Variants in SPG11 observed in about 807,000 individuals in gnomAD.
SPG11 encodes SPG11 vesicle trafficking associated, spatacsin, also known as spatacsin.
SPG11 carries 222 observed loss-of-function variants against 274.0 expected under a neutral mutation model. That is an observed-to-expected ratio of 0.81 (90% confidence interval 0.73 to 0.91). The LOEUF is 0.91. Ranked by LOEUF, SPG11 falls within the 40% of genes least tolerant of loss-of-function variation. The probability of loss-of-function intolerance (pLI) is 0.00; values close to 1 mark genes in which losing one functional copy is unlikely to be tolerated. For missense variants in SPG11, 3,114 were observed against 2,872.7 expected, an observed-to-expected ratio of 1.08 and a Z score of -1.92; for synonymous variants, 1,144 against 1,039.7, an observed-to-expected ratio of 1.10 and a Z score of -1.93.
At chr15:44,658,416 G>A (rs1287841238) in intron 3 of SPG11, among the ~76,000 whole-genome samples, 3 of 151,216 alleles carry the variant, frequency 2.0e-5, no homozygotes, top group African/African-American at 4.9e-5. Flanking sequence ...AGAGACAAGA[G>A]GTAGACTATA....
chr15:44,599,739 G>A (rs2083136319), intron 21 of SPG11, among the ~76,000 whole-genome samples: 2 of 152,230 alleles, frequency 1.3e-5, no homozygotes, highest in South Asian at 4.1e-4. Context: ...AACCAATAAA[G>A]TAAATCTATA....
chr15:44,565,877 G>C lies in SPG11; in HGVS notation c.6976C>G (p.Leu2326Val), dbSNP rs1437826237. Residue 2326 changes from leucine (L) to valine (V), a missense_variant, in exon 38 of 40, where the codon CTG becomes GTG. Leu to Val is a conservative substitution (Grantham distance 32). Coordinates refer to ENST00000261866, the MANE Select transcript of SPG11 (RefSeq NM_025137.4). ...LGRHKLMDCI[L>V]ALPRFYQASI... ...ACCTGGTAGAACCGAGGTAGGGCCA[G>C]AATACAGTCCATCAGCTTGTGGCGG... 1 of 1,614,112 alleles carries C rather than the reference G, an allele frequency of 6.2e-7. No homozygotes were observed. Among genetic ancestry groups the C allele is most frequent in the Non-Finnish European group, 8.5e-7 (1 of 1,180,018 alleles).
chr15:44,654,022 C>T (rs1029671318), intron 4 of SPG11, among the ~76,000 whole-genome samples: 25 of 152,092 alleles, frequency 1.6e-4, no homozygotes, highest in African/African-American at 5.8e-4. Flanking sequence ...GGTGCAATGA[C>T]AGCTCACTGT....
At chr15:44,609,885 T>C (rs1282204199) in intron 18 of SPG11, among the ~76,000 whole-genome samples, 2 of 147,516 alleles carry the variant, frequency 1.4e-5, no homozygotes, top group African/African-American at 5.0e-5. Context: ...CACGCCACCA[T>C]GCCCAGCTAA....
chr15:44,579,762 C>A (rs1266448126), intron 30 of SPG11, among the ~76,000 whole-genome samples: 14 of 152,028 alleles, frequency 9.2e-5, no homozygotes, highest in Admixed American at 9.2e-4. Context: ...AATTTTAGAA[C>A]TGAAAAATGC....
intron 7 of SPG11, among the ~76,000 whole-genome samples, chr15:44,636,798 C>CA (rs1469965002): frequency 6.6e-6 from 1 of 151,626 alleles, no homozygotes; most frequent in Non-Finnish European, 1.5e-5. Context: ...TGGTGGTGCA[C>CA]ACCTGTAATC....
intron 17 of SPG11, among the ~76,000 whole-genome samples, chr15:44,612,003 G>A (rs2083471953): frequency 6.6e-6 from 1 of 151,978 alleles, no homozygotes. Context: ...TAGAGACGGG[G>A]TTTCCCCGTG....
intron 38 of SPG11, among the ~76,000 whole-genome samples, chr15:44,565,405 A>G (rs568186338): frequency 6.6e-6 from 1 of 152,238 alleles, no homozygotes; most frequent in African/African-American, 2.4e-5. Context: ...TTAGATTTTC[A>G]TAAGAAGCCC....
intron 12 of SPG11, 69 bp downstream of exon 12, chr15:44,622,659 G>T: frequency 1.6e-6 from 2 of 1,283,214 alleles, no homozygotes; most frequent in Non-Finnish European, 2.3e-6. Context: ...TTTCTTCCAA[G>T]GTTTTCTTCC....
rs183210483 is a variant in SPG11 at position 44,605,904 on chromosome 15, T to G, written c.3520+121A>C. 3 of 872,648 alleles carry G rather than the reference T, an allele frequency of 3.4e-6. No individual in the cohort carries two copies. In the African/African-American group the frequency reaches 5.0e-5, roughly 15 times the overall value. 54.1% of individuals were successfully genotyped at this position (872,648 alleles called of 1,614,324 possible). On this transcript the variant is annotated intron_variant, in intron 20 of 39. Transcript: ENST00000261866. ...CTGTCTTTGCGAACTATTTTTCCTTTGGAATACACCTTTACTTTTAAAATA... is the reference window on the plus strand; with the variant it reads ...CTGTCTTTGCGAACTATTTTTCCTTGGGAATACACCTTTACTTTTAAAATA...
intron 20 of SPG11, among the ~76,000 whole-genome samples, chr15:44,605,063 G>A (rs137995465): frequency 5.2e-4 from 78 of 150,950 alleles, no homozygotes; most frequent in Non-Finnish European, 8.8e-4. Context: ...ACTTCTCTGT[G>A]CCTCTACTCT....
At chr15:44,609,717 C>T (rs2083410464) in intron 18 of SPG11, among the ~76,000 whole-genome samples, 1 of 151,390 alleles carries the variant, frequency 6.6e-6, no homozygotes, top group Non-Finnish European at 1.5e-5. Flanking sequence ...ATTCATTCCC[C>T]TCCCTGCCCC....
chr15:44,595,190 A>C lies in SPG11; in HGVS notation c.4635+69T>G, dbSNP rs568304375. 1.2e-5 allele frequency: 18 copies of C among 1,494,562 alleles called. No homozygotes were observed. In the Middle Eastern group the frequency reaches 7.7e-4, roughly 64 times the overall value. The allele number at this position is 1,494,562 out of a possible 1,614,324, so 92.6% of individuals were successfully genotyped here. A position where few individuals can be genotyped will look rare whatever the true frequency, so the allele number is the denominator to read the frequency against. ...AAAAAATCCAGGGATGGAAATAAGA[A>C]AAAGCCAAGAAGGGATATGCTGAAG... On this transcript the variant is annotated intron_variant, in intron 26 of 39. Transcript: ENST00000261866.
At chr15:44,660,924 T>C (rs1440349977) in intron 1 of SPG11, among the ~76,000 whole-genome samples, 1 of 152,200 alleles carries the variant, frequency 6.6e-6, no homozygotes. Context: ...CAAACTGTCA[T>C]GATCAAGGGT....
At chr15:44,636,932 A>AAAAAAAAAAAC (rs1567180416) in intron 7 of SPG11, among the ~76,000 whole-genome samples, 1 of 120,546 alleles carries the variant, frequency 8.3e-6, no homozygotes, top group Non-Finnish European at 1.8e-5. Context: ...TCTCAAAAAA[A>AAAAAAAAAAAC]AAAAAAAAAA....
chr15:44,578,024 T>C (rs1377631593), intron 30 of SPG11, among the ~76,000 whole-genome samples: 4 of 142,244 alleles, frequency 2.8e-5, no homozygotes, highest in Admixed American at 7.0e-5. Context: ...CTTTCCTTTT[T>C]TTTTTTTTTT....
chr15:44,583,726 C>G, intron 30 of SPG11, 88 bp downstream of exon 30: 1 of 1,574,972 alleles, frequency 6.3e-7, no homozygotes, highest in Non-Finnish European at 8.7e-7. Flanking sequence ...CTTGGTAGAA[C>G]TATTCTGCCA....
chr15:44,584,631 G>A (rs959341316), intron 29 of SPG11, 73 bp from the exon 30 acceptor site: 84 of 1,546,012 alleles, frequency 5.4e-5, no homozygotes, highest in African/African-American at 4.7e-4. Flanking sequence ...TGTTCCCTAA[G>A]TATATCATAC....
chr15:44,636,027 C>G (rs1450272059), intron 7 of SPG11, among the ~76,000 whole-genome samples: 1 of 152,000 alleles, frequency 6.6e-6, no homozygotes, highest in African/African-American at 2.4e-5. Context: ...GCCCCTAGAC[C>G]TTCTAATTCA....
Sources: allele counts gnomAD v4.1 joint callset (sites outside exome capture counted in the v4.1 genomes callset), GRCh38; gene constraint gnomAD v4.1.1; transcripts MANE v1.5; gene names NCBI Gene and HGNC (gene_info 2026-07-23, HGNC 2026-07-21).